The following MPHOSPH9 variants were observed in gnomAD, a reference collection of about 807,000 sequenced individuals.
The protein encoded by MPHOSPH9 is M-phase phosphoprotein 9.
Under a neutral mutation model 145.5 loss-of-function variants are expected in MPHOSPH9, and 88 were observed. The observed-to-expected ratio is 0.60, with a 90% CI of 0.51 to 0.72. MPHOSPH9 has a LOEUF of 0.72. MPHOSPH9 is among the 30% of genes least tolerant of loss of function. MPHOSPH9 has a pLI of 0.00. For missense variants in MPHOSPH9, 1,238 were observed against 1,386.6 expected, an observed-to-expected ratio of 0.89 and a Z score of 1.70; for synonymous variants, 435 against 486.2, an observed-to-expected ratio of 0.89 and a Z score of 1.39.
At chr12:123,179,136 T>C (rs906337242) in intron 15 of MPHOSPH9, among the ~76,000 whole-genome samples, 1 of 152,186 alleles carries the variant, frequency 6.6e-6, no homozygotes, top group East Asian at 1.9e-4. Flanking sequence ...ACTTAAAACA[T>C]GTTGTTTGAA....
rs149544529 is a variant in MPHOSPH9, at chr12:123,184,750, G to A, written c.2242-3540C>T. Among the ~76,000 whole-genome samples, 1,102 of 151,538 alleles carry A rather than the reference G, an allele frequency of 7.3e-3. 39 individuals carry two copies. The highest frequency in any genetic ancestry group is 0.054 in the Admixed American group (817 of 15,168). On this transcript the variant is annotated intron_variant, in intron 13 of 23. Transcript: ENST00000606320. ...CCTGACCTTGTGATCTACCCGCCTC[G>A]GCCTCCCAAAGTGCTGGGATTACAG...
At chr12:123,186,898 T>A (rs1716155) in intron 13 of MPHOSPH9, among the ~76,000 whole-genome samples, 1 of 151,732 alleles carries the variant, frequency 6.6e-6, no homozygotes, top group Non-Finnish European at 1.5e-5. Flanking sequence ...GAAGTGGAGG[T>A]TGCAGTGAGC....
At chr12:123,164,484 A>G (rs1397097765) in intron 18 of MPHOSPH9, among the ~76,000 whole-genome samples, 2 of 152,218 alleles carry the variant, frequency 1.3e-5, no homozygotes, top group African/African-American at 4.8e-5. Context: ...AAGCAAGCAT[A>G]GTGGAAAAGG....
At position 123,154,864 on chromosome 12, in the gene MPHOSPH9, C is replaced by T. The variant is rs1565888334; in HGVS notation, c.*1943G>A. 6.6e-6 allele frequency: 1 copy of T among 151,282 alleles called. No individual in the cohort carries two copies. The highest frequency in any genetic ancestry group is 1.5e-5 in the Non-Finnish European group (1 of 67,854). 9.4% of individuals were successfully genotyped at this position (151,282 alleles called of 1,614,324 possible). A position where few individuals can be genotyped will look rare whatever the true frequency, so the allele number is the denominator to read the frequency against. On this transcript the variant is annotated 3_prime_UTR_variant, in exon 24 of 24. Transcript: ENST00000606320. ...GCTAGAAAACCAAGAATAAAGAATA[C>T]CAAGAATAGGCCGGGTGTGGTGGCT... is the stretch of plus-strand genomic sequence containing the variant.
intron 1 of MPHOSPH9, among the ~76,000 whole-genome samples, chr12:123,239,817 T>C (rs1036461690): frequency 6.6e-6 from 1 of 152,152 alleles, no homozygotes; most frequent in Non-Finnish European, 1.5e-5. Context: ...CTTGTTTCCA[T>C]GTCACCATCT....
chr12:123,179,433 G>A (rs984809704), intron 15 of MPHOSPH9, among the ~76,000 whole-genome samples: 2 of 152,080 alleles, frequency 1.3e-5, no homozygotes, highest in Admixed American at 1.3e-4. Flanking sequence ...AAATTAGCTG[G>A]GTGTGGTGGT....
At position 123,202,827 on chromosome 12, in the gene MPHOSPH9, G is replaced by C; in HGVS notation, c.1578C>G (p.Phe526Leu). ...SPVDSWKNQT[F>L]QNESRTSSTF... The stretch of plus-strand genomic sequence containing the variant: ...TGGAACTGGTCCTACTTTCGTTTTG[G>C]AATGTCTGATTTTTCCAAGAGTCCA... Residue 526 changes from phenylalanine (F) to leucine (L), a missense_variant, in exon 10 of 24, where the codon TTC becomes TTG. Phe to Leu is a conservative substitution (Grantham distance 22). Around this residue, in one of 3 missense-constraint regions of MPHOSPH9, gnomAD observed 837 missense variants for 897.5 expected, o/e 0.93. Transcript: ENST00000606320. The C allele has an allele frequency of 6.2e-7, 1 of 1,614,172 alleles. No homozygotes were observed. Among genetic ancestry groups the C allele is most frequent in the Non-Finnish European group, 8.5e-7 (1 of 1,180,032 alleles).
intron 3 of MPHOSPH9, among the ~76,000 whole-genome samples, chr12:123,225,549 T>TGGGA (rs1325265311): frequency 9.3e-4 from 13 of 14,046 alleles, no homozygotes; most frequent in African/African-American, 3.0e-3. Flanking sequence ...AGGGAGGGGG[T>TGGGA]GGGAGGGAGG....
At chr12:123,173,825 T>A (rs1269878936) in intron 16 of MPHOSPH9, among the ~76,000 whole-genome samples, 1 of 152,198 alleles carries the variant, frequency 6.6e-6, no homozygotes, top group Non-Finnish European at 1.5e-5. Context: ...TCATCTGTAA[T>A]AAGTTGGTAA....
intron 3 of MPHOSPH9, among the ~76,000 whole-genome samples, chr12:123,225,500 A>G: frequency 7.1e-6 from 1 of 140,326 alleles, no homozygotes; most frequent in Non-Finnish European, 1.5e-5. Context: ...GGAGAAAAAG[A>G]AACAAAGAAA....
chr12:123,226,936 C>T (rs1326582713), intron 3 of MPHOSPH9, among the ~76,000 whole-genome samples: 1 of 152,200 alleles, frequency 6.6e-6, no homozygotes, highest in African/African-American at 2.4e-5. Context: ...TGTGCTCGGC[C>T]ATGTAAGTAT....
At chr12:123,198,107 T>G (rs970817340) in intron 12 of MPHOSPH9, 140 bp downstream of exon 12, 2 of 684,242 alleles carry the variant, frequency 2.9e-6, no homozygotes, top group African/African-American at 3.7e-5. Context: ...AGGGTAAAGT[T>G]TATAGCATTA....
intron 16 of MPHOSPH9, among the ~76,000 whole-genome samples, chr12:123,168,954 G>A (rs2044448895): frequency 6.6e-6 from 1 of 150,824 alleles, no homozygotes; most frequent in Non-Finnish European, 1.5e-5. Context: ...GCGCGATCTC[G>A]GCTCACGGCA....
chr12:123,176,629 G>C, intron 16 of MPHOSPH9, 59 bp downstream of exon 16: 3 of 1,273,698 alleles, frequency 2.4e-6, no homozygotes, highest in Non-Finnish European at 3.4e-6. Context: ...TGAGTTTCTC[G>C]TCTTAATAAA....
At position 123,221,411 on chromosome 12, in the gene MPHOSPH9, T is replaced by C; in HGVS notation, c.833A>G (p.Glu278Gly). 1 of 1,609,078 alleles carries C rather than the reference T, an allele frequency of 6.2e-7. No individual in the cohort carries two copies. Reference sequence around the variant, plus strand: ...ACTGTATACTTCAGAAACCTTATTTTCACCAAGAAAATTATGTTCAAATTC... The same window carrying C: ...ACTGTATACTTCAGAAACCTTATTTCCACCAAGAAAATTATGTTCAAATTC... ...PGEFEHNFLG[E>G]NKVSEVYSGK... is the part of the protein sequence containing the mutation. The change falls in exon 5 of 24, where the codon GAA becomes GGA. Residue 278 changes from glutamate (E) to glycine (G), a missense_variant. Physicochemically the swap from Glu to Gly is moderately conservative, Grantham distance 98. Transcript: ENST00000606320.
chr12:123,238,095 C>T (rs2047879297), upstream of MPHOSPH9, among the ~76,000 whole-genome samples: 1 of 152,060 alleles, frequency 6.6e-6, no homozygotes, highest in East Asian at 1.9e-4. Flanking sequence ...GGGGTTTCAC[C>T]ATGTTGCCCA....
intron 13 of MPHOSPH9, among the ~76,000 whole-genome samples, chr12:123,189,487 A>G (rs1030102637): frequency 2.0e-5 from 3 of 152,214 alleles, no homozygotes; most frequent in African/African-American, 7.2e-5. Flanking sequence ...TGCTCCTAAC[A>G]GCAATGACAA....
intron 19 of MPHOSPH9, 83 bp from the exon 20 acceptor site, chr12:123,163,217 A>C: frequency 7.3e-7 from 1 of 1,377,666 alleles, no homozygotes; most frequent in South Asian, 1.4e-5. Context: ...TTTTTTTTCT[A>C]ATTTTGAAAG....
chr12:123,214,962 G>A (rs1295953930), intron 6 of MPHOSPH9, 128 bp from the exon 7 acceptor site: 23 of 748,706 alleles, frequency 3.1e-5, no homozygotes, highest in Non-Finnish European at 4.9e-5. Flanking sequence ...AAGAAAGCCT[G>A]GCCAGGCGTG....
Sources: allele counts gnomAD v4.1 joint callset (sites outside exome capture counted in the v4.1 genomes callset), GRCh38; gene constraint gnomAD v4.1.1; regional missense constraint gnomAD v4.1.1; transcripts MANE v1.5; gene names NCBI Gene and HGNC (gene_info 2026-07-23, HGNC 2026-07-21).